The following AEBP2 variants were observed in gnomAD, a reference collection of about 807,000 sequenced individuals.
AEBP2 encodes zinc finger protein AEBP2.
AEBP2 carries 10 observed loss-of-function variants against 50.8 expected under a neutral mutation model. The observed-to-expected ratio is 0.20, with a 90% CI of 0.12 to 0.33. AEBP2 has a LOEUF of 0.33. Among genes scored for constraint, AEBP2 ranks in the 10% least tolerant of loss-of-function variants. The pLI, the probability that AEBP2 is intolerant of heterozygous loss-of-function variation, is 1.00. For missense variants in AEBP2, 570 were observed against 688.0 expected (o/e 0.83, Z 1.92); for synonymous variants, 296 against 261.3 (o/e 1.13, Z -1.28).
At chr12:19,508,099 C>T (rs1055672692) in intron 5 of AEBP2, among the ~76,000 whole-genome samples, 5 of 152,098 alleles carry the variant, frequency 3.3e-5, no homozygotes, top group Non-Finnish European at 5.9e-5. Flanking sequence ...TGTATTATTT[C>T]ATTGTAGAGG....
At chr12:19,502,838 G>A (rs952592414) in intron 5 of AEBP2, among the ~76,000 whole-genome samples, 2 of 152,028 alleles carry the variant, frequency 1.3e-5, no homozygotes, top group Non-Finnish European at 2.9e-5. Flanking sequence ...AGTAGAGATG[G>A]GGTTTCTCCA....
At chr12:19,456,398 A>C in intron 1 of AEBP2, 1 of 1,379,076 alleles carries the variant, frequency 7.3e-7, no homozygotes. Context: ...AGAAGCACTC[A>C]ACACACACGG....
rs190015280 is a variant in AEBP2 at position 19,481,668 on chromosome 12, G to C, written c.987+8313G>C. Reference sequence around the variant, plus strand: ...TAAATTTTGTATTTTTAGTAGAGACGGGGTTTCACCGTGGTGGCAAGGCTG... The same window carrying C: ...TAAATTTTGTATTTTTAGTAGAGACCGGGTTTCACCGTGGTGGCAAGGCTG... On this transcript the variant is annotated intron_variant, in intron 3 of 7. Coordinates refer to ENST00000266508, the MANE Select transcript of AEBP2 (RefSeq NM_153207.5). 3.0e-3 allele frequency among the ~76,000 whole-genome samples: 448 copies of C among 151,714 alleles called. 1 individual carries two copies. Among genetic ancestry groups the C allele is most frequent in the Admixed American group, 7.6e-3 (116 of 15,238 alleles).
chr12:19,438,794 G>T (rs11044560), upstream of AEBP2, among the ~76,000 whole-genome samples: 8,676 of 152,138 alleles, frequency 0.057, 573 homozygotes, highest in East Asian at 0.18. Context: ...TTTGGAAATT[G>T]TATTTTCCAA....
intron 1 of AEBP2, among the ~76,000 whole-genome samples, chr12:19,424,396 C>CTT (rs529252995): frequency 0.02 from 3,056 of 151,508 alleles, 40 homozygotes; most frequent in East Asian, 0.039. Context: ...GCTAAGATGT[C>CTT]TTTTTTTCTT....
chr12:19,412,013 G>C (rs2095739462), intron 1 of AEBP2, among the ~76,000 whole-genome samples: 1 of 152,222 alleles, frequency 6.6e-6, no homozygotes, highest in African/African-American at 2.4e-5. Flanking sequence ...CCAGACTCCT[G>C]TCCGTAAGTG....
intron 6 of AEBP2, 66 bp downstream of exon 6, chr12:19,512,531 A>T (rs1592785417): frequency 9.9e-7 from 1 of 1,010,746 alleles, no homozygotes; most frequent in Non-Finnish European, 1.4e-6. Context: ...AATCTTACAC[A>T]CAAAAATTAT....
At chr12:19,463,514 ATAAC>A (rs1338637245) in intron 2 of AEBP2, among the ~76,000 whole-genome samples, 2 of 152,132 alleles carry the variant, frequency 1.3e-5, no homozygotes, top group African/African-American at 4.8e-5. Context: ...TGAAGAACAG[ATAAC>A]TAACACAGTA....
intron 5 of AEBP2, 23 bp from the exon 6 acceptor site, chr12:19,512,375 A>G: frequency 6.8e-7 from 1 of 1,468,762 alleles, no homozygotes; most frequent in Non-Finnish European, 9.2e-7. Context: ...TGTTTTTATG[A>G]TTTCTTTTCA....
chr12:19,464,897 G>C (rs1017043115), intron 2 of AEBP2, among the ~76,000 whole-genome samples: 1 of 151,680 alleles, frequency 6.6e-6, no homozygotes, highest in Admixed American at 6.6e-5. Context: ...GCCAAGACTG[G>C]TTTTTAAAAT....
intron 1 of AEBP2, among the ~76,000 whole-genome samples, chr12:19,455,678 A>G (rs1592730374): frequency 6.6e-6 from 1 of 152,198 alleles, no homozygotes; most frequent in South Asian, 2.1e-4. Flanking sequence ...CCATTTTTAT[A>G]AAATCATACA....
intron 1 of AEBP2, among the ~76,000 whole-genome samples, chr12:19,409,123 G>C (rs903206104): frequency 6.6e-6 from 1 of 152,088 alleles, no homozygotes; most frequent in Non-Finnish European, 1.5e-5. Flanking sequence ...ACAAAAGCTT[G>C]CAGCCTTCAA....
At chr12:19,452,504 C>CTTT in intron 1 of AEBP2, among the ~76,000 whole-genome samples, 1 of 147,604 alleles carries the variant, frequency 6.8e-6, no homozygotes, top group Admixed American at 6.8e-5. Flanking sequence ...TTTTCTTTTT[C>CTTT]TTTTTTTTTT....
chr12:19,466,419 C>G (rs1369360745), intron 2 of AEBP2, among the ~76,000 whole-genome samples: 1 of 152,160 alleles, frequency 6.6e-6, no homozygotes, highest in East Asian at 1.9e-4. Flanking sequence ...CCACCGCACT[C>G]CAGCCTGGAT....
intron 5 of AEBP2, among the ~76,000 whole-genome samples, chr12:19,505,452 T>C (rs1284864805): frequency 6.6e-6 from 1 of 152,230 alleles, no homozygotes; most frequent in Non-Finnish European, 1.5e-5. Flanking sequence ...GCAGCTACTC[T>C]AATGGAAGAG....
intron 3 of AEBP2, among the ~76,000 whole-genome samples, chr12:19,476,245 T>A (rs900443382): frequency 6.6e-6 from 1 of 152,210 alleles, no homozygotes; most frequent in Non-Finnish European, 1.5e-5. Context: ...TTGTATAAGG[T>A]GAGAAATGAG....
chr12:19,495,655 C>T (rs1209989162), intron 4 of AEBP2, among the ~76,000 whole-genome samples: 1 of 151,796 alleles, frequency 6.6e-6, no homozygotes, highest in Non-Finnish European at 1.5e-5. Flanking sequence ...AATTCTCCCA[C>T]CTCAGCCTCC....
At chr12:19,453,054 C>T (rs1041601880) in intron 1 of AEBP2, among the ~76,000 whole-genome samples, 24 of 150,566 alleles carry the variant, frequency 1.6e-4, no homozygotes, top group Admixed American at 9.3e-4. Context: ...TTGCAAGCTC[C>T]GCCTCCCAGG....
At position 19,440,180 on chromosome 12, in the gene AEBP2, C is replaced by A; in HGVS notation, c.481C>A (p.Pro161Thr). 1.4e-6 allele frequency: 2 copies of A among 1,468,694 alleles called. No individual in the cohort carries two copies. Among genetic ancestry groups the A allele is most frequent in the Non-Finnish European group, 8.9e-7 (1 of 1,121,294 alleles). 91.0% of individuals were successfully genotyped at this position (1,468,694 alleles called of 1,614,324 possible). A position where few individuals can be genotyped will look rare whatever the true frequency, so the allele number is the denominator to read the frequency against. The stretch of plus-strand genomic sequence containing the variant: ...GGACGGCAAGGAGGGCCTGGAGGAG[C>A]CCAAGGGACCGCGGGGCAGCCAGGG... The part of the protein sequence containing the change: ...DGDGKEGLEE[P>T]KGPRGSQGGG... The change falls in exon 1 of 8, where the codon CCC (proline) becomes ACC (threonine). Residue 161 changes from proline to threonine, a missense_variant. Pro to Thr is a conservative substitution (Grantham distance 38). Around this residue, in one of 2 missense-constraint regions of AEBP2, gnomAD observed 386 missense variants for 336.8 expected, o/e 1.15. Coordinates refer to ENST00000266508, the MANE Select transcript of AEBP2 (RefSeq NM_153207.5).
Sources: allele counts gnomAD v4.1 joint callset (sites outside exome capture counted in the v4.1 genomes callset), GRCh38; gene constraint gnomAD v4.1.1; regional missense constraint gnomAD v4.1.1; transcripts MANE v1.5; gene names NCBI Gene and HGNC (gene_info 2026-07-23, HGNC 2026-07-21).